PRKCA: variants seen among roughly 807,000 people sequenced by gnomAD.
The protein encoded by PRKCA is protein kinase C alpha, also known as protein kinase C alpha type.
In PRKCA, 27 loss-of-function variants were observed where a neutral mutation model predicts 87.0. The ratio of observed to expected loss-of-function variants is 0.31; its 90% CI spans 0.23 to 0.43. The LOEUF is 0.43. Among genes scored for constraint, PRKCA ranks in the 20% least tolerant of loss-of-function variants. PRKCA has a pLI of 1.00. For missense variants in PRKCA, 518 were observed against 852.3 expected, an observed-to-expected ratio of 0.61 and a Z score of 4.88; for synonymous variants, 329 against 311.1, an observed-to-expected ratio of 1.06 and a Z score of -0.61.
intron 8 of PRKCA, among the ~76,000 whole-genome samples, chr17:66,694,979 C>G (rs1464663106): frequency 1.3e-5 from 2 of 152,042 alleles, no homozygotes; most frequent in Admixed American, 6.6e-5. Flanking sequence ...GTCCTAGAAT[C>G]AAGAAAATGG....
intron 2 of PRKCA, among the ~76,000 whole-genome samples, chr17:66,453,606 C>T (rs1429874858): frequency 6.6e-6 from 1 of 152,182 alleles, no homozygotes; most frequent in African/African-American, 2.4e-5. Flanking sequence ...ACGTGAGCCA[C>T]TGCGCCCAGC....
chr17:66,320,122 C>T (rs943040879), intron 2 of PRKCA, among the ~76,000 whole-genome samples: 1 of 152,046 alleles, frequency 6.6e-6, no homozygotes, highest in African/African-American at 2.4e-5. Context: ...CAGGAAAAGC[C>T]CTGTTGTTAG....
intron 2 of PRKCA, among the ~76,000 whole-genome samples, chr17:66,390,264 A>G (rs1451777043): frequency 2.6e-5 from 4 of 152,084 alleles, no homozygotes; most frequent in African/African-American, 9.7e-5. Flanking sequence ...CCTTTTTGCA[A>G]TTTATATATA....
intron 3 of PRKCA, among the ~76,000 whole-genome samples, chr17:66,574,030 T>A (rs1025746656): frequency 6.6e-6 from 1 of 152,122 alleles, no homozygotes; most frequent in African/African-American, 2.4e-5. Flanking sequence ...TAAAACAAGA[T>A]CCTGCTTATT....
At chr17:66,504,582 A>G (rs1336815816) in intron 3 of PRKCA, among the ~76,000 whole-genome samples, 1 of 151,636 alleles carries the variant, frequency 6.6e-6, no homozygotes, top group African/African-American at 2.4e-5. Flanking sequence ...ACAAGAGTGA[A>G]ACTCTGCCTC....
chr17:66,341,870 A>G (rs371655970), intron 2 of PRKCA, among the ~76,000 whole-genome samples: 41 of 152,354 alleles, frequency 2.7e-4, no homozygotes, highest in African/African-American at 9.9e-4. Context: ...AAGGCTTATA[A>G]AATTGTGATA....
intron 2 of PRKCA, among the ~76,000 whole-genome samples, chr17:66,421,567 C>T (rs1912498955): frequency 1.3e-5 from 2 of 150,750 alleles, no homozygotes; most frequent in African/African-American, 4.9e-5. Context: ...GAGTCTTACT[C>T]TATTATTCAG....
intron 3 of PRKCA, among the ~76,000 whole-genome samples, chr17:66,501,688 A>G (rs889876462): frequency 2.6e-5 from 4 of 152,218 alleles, no homozygotes; most frequent in African/African-American, 9.6e-5. Flanking sequence ...CCAGTACCCC[A>G]TTCCAGCATC....
intron 8 of PRKCA, among the ~76,000 whole-genome samples, chr17:66,712,529 GAGTT>G (rs1973357787): frequency 6.6e-6 from 1 of 152,192 alleles, no homozygotes; most frequent in Non-Finnish European, 1.5e-5. Flanking sequence ...TAAGAAGAAA[GAGTT>G]AGGGTGAGGC....
intron 2 of PRKCA, among the ~76,000 whole-genome samples, chr17:66,396,934 A>G (rs983278099): frequency 6.9e-6 from 1 of 143,902 alleles, no homozygotes; most frequent in Non-Finnish European, 1.5e-5. Flanking sequence ...AGTAGAAGCA[A>G]TCATTCAGTC....
chr17:66,534,870 T>A (rs568702874), intron 3 of PRKCA, among the ~76,000 whole-genome samples: 4 of 152,186 alleles, frequency 2.6e-5, no homozygotes, highest in Non-Finnish European at 5.9e-5. Context: ...CTGTCTAGTG[T>A]CATATGCTGC....
At chr17:66,352,301 G>A (rs1437330559) in intron 2 of PRKCA, among the ~76,000 whole-genome samples, 1 of 152,110 alleles carries the variant, frequency 6.6e-6, no homozygotes, top group African/African-American at 2.4e-5. Context: ...GAACTCATCA[G>A]TGTCTTCCTG....
intron 2 of PRKCA, among the ~76,000 whole-genome samples, chr17:66,451,298 A>G (rs1460327934): frequency 6.6e-6 from 1 of 152,182 alleles, no homozygotes; most frequent in Non-Finnish European, 1.5e-5. Flanking sequence ...TGAATATAAT[A>G]GGATTCCATT....
intron 2 of PRKCA, among the ~76,000 whole-genome samples, chr17:66,420,886 C>T (rs1047314766): frequency 2.2e-4 from 34 of 152,194 alleles, no homozygotes; most frequent in African/African-American, 8.2e-4. Context: ...CATTCCCCTC[C>T]TTTGTGGAAT....
At chr17:66,500,409 C>T (rs1369799270) in intron 3 of PRKCA, among the ~76,000 whole-genome samples, 1 of 152,158 alleles carries the variant, frequency 6.6e-6, no homozygotes, top group Non-Finnish European at 1.5e-5. Context: ...ATCATGAAGG[C>T]ATTGGGAGGT....
chr17:66,358,815 G>T (rs1908218528), intron 2 of PRKCA, among the ~76,000 whole-genome samples: 1 of 151,842 alleles, frequency 6.6e-6, no homozygotes, highest in Admixed American at 6.6e-5. Context: ...ACAAGGAAAA[G>T]TGTCTCCACA....
At position 66,382,659 on chromosome 17, in the gene PRKCA, G is replaced by A. The variant is rs146630083; in HGVS notation, c.205+76532G>A. ...AATAAGACAGAAAAAATAGGGAGTAGACAAAAGAAGTAACTTAAACATAGT... is the reference window on the plus strand; with the variant it reads ...AATAAGACAGAAAAAATAGGGAGTAAACAAAAGAAGTAACTTAAACATAGT... On this transcript the variant is annotated intron_variant, in intron 2 of 16. Coordinates refer to ENST00000413366, the MANE Select transcript of PRKCA (RefSeq NM_002737.3). Among the ~76,000 whole-genome samples the A allele has an allele frequency of 1.6e-4, 25 of 152,212 alleles. No individual in the cohort carries two copies. The East Asian group carries it at 4.2e-3, about 26-fold the overall frequency.
chr17:66,651,862 G>T (rs1971598927), intron 5 of PRKCA, among the ~76,000 whole-genome samples: 1 of 152,190 alleles, frequency 6.6e-6, no homozygotes, highest in South Asian at 2.1e-4. Context: ...TGTTGTTGTT[G>T]TTGTTTGTAA....
chr17:66,727,341 T>C (rs1262237966), intron 8 of PRKCA, among the ~76,000 whole-genome samples: 1 of 152,202 alleles, frequency 6.6e-6, no homozygotes, highest in Non-Finnish European at 1.5e-5. Context: ...GGGATATTCC[T>C]GAAGATTCCC....
Sources: gnomAD v4.1 joint callset for allele counts (sites outside exome capture counted in the v4.1 genomes callset) on GRCh38, gnomAD v4.1.1 for gene constraint, MANE v1.5 for transcripts, NCBI Gene and HGNC (gene_info 2026-07-23, HGNC 2026-07-21) for gene names.